The following MAP3K1 variants were observed in gnomAD, a reference collection of about 807,000 sequenced individuals.
MAP3K1 encodes the protein mitogen-activated protein kinase kinase kinase 1, also known as MAP/ERK kinase kinase 1.
Under a neutral mutation model 144.2 loss-of-function variants are expected in MAP3K1, and 36 were observed. That is an observed-to-expected ratio of 0.25 (90% CI 0.19 to 0.33). The LOEUF (loss-of-function observed/expected upper bound fraction) is 0.33. MAP3K1 is among the 10% of genes least tolerant of loss of function. The probability of loss-of-function intolerance (pLI) is 1.00; values close to 1 mark genes in which losing one functional copy is unlikely to be tolerated. For missense variants in MAP3K1, 1,650 were observed against 1,881.9 expected (o/e 0.88, Z 2.28); for synonymous variants, 718 against 688.7 (o/e 1.04, Z -0.67).
At chr5:56,861,552 G>A (rs1172060980) in intron 3 of MAP3K1, among the ~76,000 whole-genome samples, 2 of 140,550 alleles carry the variant, frequency 1.4e-5, no homozygotes, top group Admixed American at 7.3e-5. Context: ...CAGCCTGGGC[G>A]ACAGAGTGAG....
rs775745251 is a variant in MAP3K1, at chr5:56,872,808, G to C, written c.1506-17G>C. On this transcript the variant is annotated splice_polypyrimidine_tract_variant and intron_variant, in intron 8 of 19. Transcript: ENST00000399503. ...TCTTAATTTTTTTAAAGCAAGTTTTGTTATTTTTCATTTTAGCCACGAGTT... is the reference window on the plus strand; with the variant it reads ...TCTTAATTTTTTTAAAGCAAGTTTTCTTATTTTTCATTTTAGCCACGAGTT... The C allele has an allele frequency of 1.2e-6, 2 of 1,613,828 alleles. No individual in the cohort carries two copies. The highest frequency in any genetic ancestry group is 8.5e-7 in the Non-Finnish European group (1 of 1,179,816).
Position 56,866,093 on chromosome 5 carries a change from C to A in MAP3K1, c.1301+116C>A, listed in dbSNP as rs1747663287. 5.1e-6 allele frequency: 5 copies of A among 981,710 alleles called. No individual in the cohort carries two copies. The African/African-American group carries it at 8.0e-5, about 16-fold the overall frequency. 60.8% of individuals were successfully genotyped at this position (981,710 alleles called of 1,614,324 possible). Reference sequence around the variant, plus strand: ...AAATGATTTAATTATTGAATCTTGGCTTTCAAGTTAAAATCAAGGGTGAAG... The same window carrying A: ...AAATGATTTAATTATTGAATCTTGGATTTCAAGTTAAAATCAAGGGTGAAG... On this transcript the variant is annotated intron_variant, in intron 6 of 19. Coordinates refer to ENST00000399503, the MANE Select transcript of MAP3K1 (RefSeq NM_005921.2).
intron 6 of MAP3K1, among the ~76,000 whole-genome samples, chr5:56,869,714 T>A (rs947708792): frequency 6.6e-5 from 10 of 152,222 alleles, no homozygotes; most frequent in African/African-American, 2.4e-4. Context: ...AAACTTTATT[T>A]TCCTCTATGA....
chr5:56,875,870 T>C (rs1426540014), intron 10 of MAP3K1, among the ~76,000 whole-genome samples: 1 of 152,224 alleles, frequency 6.6e-6, no homozygotes, highest in East Asian at 1.9e-4. Flanking sequence ...ATCAACGTTA[T>C]TCTGATTTTT....
chr5:56,881,555 G>GT lies in MAP3K1; in HGVS notation c.2370-8dup, dbSNP rs747066824. 6.3e-6 allele frequency: 10 copies of GT among 1,585,788 alleles called. 1 individual carries two copies. The highest frequency in any genetic ancestry group is 3.3e-5 in the South Asian group (3 of 90,618). The stretch of plus-strand genomic sequence containing the variant: ...AATTGGAACTTATATGGTAATGAAT[G>GT]TTTTTTTCTTTCAGGTATAAGAAGC... On this transcript the variant is annotated splice_polypyrimidine_tract_variant and intron_variant, in intron 13 of 19. Coordinates refer to ENST00000399503, the MANE Select transcript of MAP3K1 (RefSeq NM_005921.2).
Position 56,883,641 on chromosome 5 carries a change from C to T in MAP3K1, c.3781C>T (p.Gln1261Ter). Reference protein sequence around the residue: ...LGAFSSCYQAQDVGTGTLMAV... With the variant: ...LGAFSSCYQA ...AGCATTTTCTTCTTGTTATCAGGCTCAAGATGTGGGAACTGGAACTTTAAT... is the reference window on the plus strand; with the variant it reads ...AGCATTTTCTTCTTGTTATCAGGCTTAAGATGTGGGAACTGGAACTTTAAT... Residue 1261 changes from glutamine (Q) to a stop codon, truncating the protein, a stop_gained, in exon 15 of 20, where the codon CAA (glutamine) becomes TAA (stop). Transcript: ENST00000399503. LOFTEE classifies it high-confidence loss of function. 2 of 1,613,946 alleles carry T rather than the reference C, an allele frequency of 1.2e-6. No individual in the cohort carries two copies. Among genetic ancestry groups the T allele is most frequent in the Non-Finnish European group, 1.7e-6 (2 of 1,179,966 alleles).
intron 10 of MAP3K1, among the ~76,000 whole-genome samples, chr5:56,876,396 G>A (rs1024187098): frequency 4.6e-5 from 7 of 152,126 alleles, no homozygotes; most frequent in South Asian, 4.2e-4. Context: ...TAAAATTCAT[G>A]AGCAGTCTGT....
At chr5:56,869,647 CT>C (rs962802813) in intron 6 of MAP3K1, among the ~76,000 whole-genome samples, 4 of 152,000 alleles carry the variant, frequency 2.6e-5, no homozygotes, top group African/African-American at 9.7e-5. Flanking sequence ...GAATGGTATT[CT>C]TTTTGTTGTC....
chr5:56,820,796 G>A (rs1466955232), intron 1 of MAP3K1: 1 of 985,240 alleles, frequency 1.0e-6, no homozygotes, highest in Non-Finnish European at 1.2e-6. Flanking sequence ...AAGATCATGA[G>A]TGCACAAGCT....
At chr5:56,885,901 G>T (rs1748364268) in intron 16 of MAP3K1, 31 bp from the exon 17 acceptor site, 1 of 1,603,236 alleles carries the variant, frequency 6.2e-7, no homozygotes, top group South Asian at 1.1e-5. Flanking sequence ...TCTGTCTTAA[G>T]TTTATGATAA....
intron 9 of MAP3K1, 73 bp from the exon 10 acceptor site, chr5:56,874,959 G>A: frequency 1.3e-6 from 2 of 1,488,244 alleles, no homozygotes; most frequent in East Asian, 2.3e-5. Context: ...AATCAAAAAT[G>A]ATGCTAAACT....
At chr5:56,825,175 T>A (rs1483121820) in intron 1 of MAP3K1, among the ~76,000 whole-genome samples, 2 of 152,070 alleles carry the variant, frequency 1.3e-5, no homozygotes, top group Non-Finnish European at 2.9e-5. Context: ...TTCCAACTTT[T>A]TAAATTTTTG....
At chr5:56,851,113 AT>A (rs66612735) in intron 1 of MAP3K1, among the ~76,000 whole-genome samples, 81,379 of 151,798 alleles carry the variant, frequency 0.54, 23,207 homozygotes, top group Non-Finnish European at 0.65. Flanking sequence ...TGCCCGGCTA[AT>A]TTTGTATTTT....
intron 1 of MAP3K1, among the ~76,000 whole-genome samples, chr5:56,844,183 G>GTTTTTT (rs770169813): frequency 8.0e-4 from 61 of 76,100 alleles, no homozygotes; most frequent in Non-Finnish European, 1.2e-3. Context: ...GTTTTTTTTG[G>GTTTTTT]TTTTTTTTTT....
rs1436167658 is a variant in MAP3K1 at position 56,815,564 on chromosome 5, G to A, written c.-10G>A. 7.7e-7 allele frequency: 1 copy of A among 1,301,198 alleles called. No homozygotes were observed. The highest frequency in any genetic ancestry group is 2.2e-5 in the South Asian group (1 of 45,464). 80.6% of individuals were successfully genotyped at this position (1,301,198 alleles called of 1,614,324 possible). A position where few individuals can be genotyped will look rare whatever the true frequency, so the allele number is the denominator to read the frequency against. ...CGCAGGGGCCGAGCGAATGTAGCCC[G>A]CGAGAGAAAATGGCGGCGGCGGCGG... On this transcript the variant is annotated 5_prime_UTR_variant, in exon 1 of 20. Transcript: ENST00000399503.
intron 1 of MAP3K1, among the ~76,000 whole-genome samples, chr5:56,839,423 G>A (rs377208269): frequency 3.3e-5 from 5 of 152,182 alleles, no homozygotes; most frequent in African/African-American, 1.2e-4. Context: ...TATGTGTACA[G>A]ATTAATGGTA....
intron 6 of MAP3K1, 66 bp downstream of exon 6, chr5:56,866,043 TA>T (rs1358579102): frequency 8.3e-7 from 1 of 1,211,688 alleles, no homozygotes; most frequent in Non-Finnish European, 1.2e-6. Context: ...GGTAATTTTT[TA>T]TATCTACTTG....
chr5:56,822,199 T>C (rs1746176250), intron 1 of MAP3K1, among the ~76,000 whole-genome samples: 1 of 151,962 alleles, frequency 6.6e-6, no homozygotes, highest in South Asian at 2.1e-4. Flanking sequence ...AATTTTTGTA[T>C]TTTTTTGTAG....
intron 1 of MAP3K1, chr5:56,817,031 C>G: frequency 1.0e-6 from 1 of 984,688 alleles, no homozygotes; most frequent in Non-Finnish European, 1.2e-6. Flanking sequence ...CTGGCGCGGG[C>G]CGCCCGCTGA....
Sources: allele counts gnomAD v4.1 joint callset (sites outside exome capture counted in the v4.1 genomes callset), GRCh38; gene constraint gnomAD v4.1.1; transcripts MANE v1.5; gene names NCBI Gene and HGNC (gene_info 2026-07-23, HGNC 2026-07-21).